The following ABTB1 variants were observed in gnomAD, a reference collection of about 807,000 sequenced individuals.
ABTB1 encodes the protein ankyrin repeat and BTB domain containing 1.
ABTB1 carries 45 observed loss-of-function variants against 57.1 expected under a neutral mutation model. The observed-to-expected ratio is 0.79, with a 90% confidence interval of 0.62 to 1.01. The LOEUF is 1.01. ABTB1 is among the 50% of genes least tolerant of loss of function. The pLI is 0.00. For missense variants in ABTB1, 630 were observed against 666.3 expected (o/e 0.95, Z 0.60); for synonymous variants, 302 against 275.4 (o/e 1.10, Z -0.95).
chr3:127,680,522 A>G lies in ABTB1; in HGVS notation c.*47A>G, dbSNP rs576844256. On this transcript the variant is annotated 3_prime_UTR_variant, in exon 12 of 12. Transcript: ENST00000232744. ...GGGGCCAGGAGCTCTCTTGGAGACA[A>G]GCATGTGTATGCGTTTGTGTGCAGC... is the stretch of plus-strand genomic sequence containing the variant. 3 of 1,589,384 alleles carry G rather than the reference A, an allele frequency of 1.9e-6. No individual in the cohort carries two copies. The highest frequency in any genetic ancestry group is 2.6e-6 in the Non-Finnish European group (3 of 1,172,286).
At chr3:127,677,420 T>C in intron 8 of ABTB1, 45 bp from the exon 9 acceptor site, 1 of 1,598,652 alleles carries the variant, frequency 6.3e-7, no homozygotes, top group Non-Finnish European at 8.6e-7. Context: ...GTCGTTCACT[T>C]CTGTGAACAA....
Position 127,676,183 on chromosome 3 carries a change from T to C in ABTB1, c.320+69T>C. ...CCTGGTGGGTGTGGCGAGTCTGCTC[T>C]GACTGTGGCCTGCACTGGGTTCTGA... On this transcript the variant is annotated intron_variant, in intron 4 of 11. Transcript: ENST00000232744. This position sits in a 1 kb window ranked among gnomAD's most constrained non-coding sequence, Gnocchi z 5.4. 6.2e-7 allele frequency: 1 copy of C among 1,606,818 alleles called. No individual in the cohort carries two copies.
Position 127,676,678 on chromosome 3 carries a change from A to T in ABTB1, c.526+97A>T, listed in dbSNP as rs979392364. On this transcript the variant is annotated intron_variant, in intron 6 of 11. Transcript: ENST00000232744. The surrounding 1 kb of genome is among the most constrained non-coding windows in gnomAD (Gnocchi z 5.4). ...GGCTGGGCTGACCTTTCACCTCTAG[A>T]CACTTCATGGTCCCCCCGGGGTGGT... is the stretch of plus-strand genomic sequence containing the variant. 1.3e-6 allele frequency: 2 copies of T among 1,495,644 alleles called. No homozygotes were observed. The highest frequency in any genetic ancestry group is 1.4e-5 in the African/African-American group (1 of 72,342). 92.6% of individuals were successfully genotyped at this position (1,495,644 alleles called of 1,614,324 possible). A position where few individuals can be genotyped will look rare whatever the true frequency, so the allele number is the denominator to read the frequency against.
chr3:127,676,301 T>G lies in ABTB1; in HGVS notation c.350T>G (p.Val117Gly), dbSNP rs372918967. 6.2e-6 allele frequency: 10 copies of G among 1,613,920 alleles called. No individual in the cohort carries two copies. The highest frequency in any genetic ancestry group is 8.5e-6 in the Non-Finnish European group (10 of 1,179,904). The change falls in exon 5 of 12, where the codon GTG (valine) becomes GGG (glycine). Residue 117 changes from valine to glycine, a missense_variant. This residue lies in a region of ABTB1 where 579 missense variants were observed against 585.9 expected (regional missense o/e 0.99). Coordinates refer to ENST00000232744, the MANE Select transcript of ABTB1 (RefSeq NM_172027.3). The surrounding 1 kb of genome is among the most constrained non-coding windows in gnomAD (Gnocchi z 5.4). Reference protein sequence around the residue: ...RLLEQGIHSDVVFVVHGKPFR... With the variant: ...RLLEQGIHSDGVFVVHGKPFR... Reference sequence around the variant, plus strand: ...CTAGAGCAGGGCATCCACAGTGACGTGGTCTTTGTAGTACACGGGAAGCCA... The same window carrying G: ...CTAGAGCAGGGCATCCACAGTGACGGGGTCTTTGTAGTACACGGGAAGCCA...
Position 127,676,377 on chromosome 3 carries a change from C to T in ABTB1, c.426C>T (p.Asn142=). 3 of 1,614,200 alleles carry T rather than the reference C, an allele frequency of 1.9e-6. No individual in the cohort carries two copies. Among genetic ancestry groups the T allele is most frequent in the Non-Finnish European group, 2.5e-6 (3 of 1,180,028 alleles). ...VLGARSAYFA[N]MLDTKWKGKS... is the part of the protein sequence containing the mutation. ...GTGCACGTAGTGCCTACTTTGCCAA[C>T]ATGCTGGACACCAAATGGAAGGGCA... is the stretch of plus-strand genomic sequence containing the variant. The change falls in exon 5 of 12, where the codon AAC becomes AAT. Residue 142 remains asparagine (N), a synonymous_variant. Coordinates refer to ENST00000232744, the MANE Select transcript of ABTB1 (RefSeq NM_172027.3). The surrounding 1 kb of genome is among the most constrained non-coding windows in gnomAD (Gnocchi z 5.4).
chr3:127,677,158 T>G lies in ABTB1; in HGVS notation c.644-10T>G. On this transcript the variant is annotated splice_polypyrimidine_tract_variant and intron_variant, in intron 7 of 11. Coordinates refer to ENST00000232744, the MANE Select transcript of ABTB1 (RefSeq NM_172027.3). ...TGGCCTGGCTCCCTGAAGTTGTTCTTCCCCTGTAGTGGCGTCTAAGCCAGG... is the reference window on the plus strand; with the variant it reads ...TGGCCTGGCTCCCTGAAGTTGTTCTGCCCCTGTAGTGGCGTCTAAGCCAGG... 6.2e-7 allele frequency: 1 copy of G among 1,613,422 alleles called. No homozygotes were observed. Among genetic ancestry groups the G allele is most frequent in the Middle Eastern group, 1.7e-4 (1 of 6,056 alleles).
At chr3:127,674,689 C>T (rs571792168) in intron 3 of ABTB1, 89 bp downstream of exon 3, 31 of 1,478,332 alleles carry the variant, frequency 2.1e-5, no homozygotes, top group Non-Finnish European at 5.7e-6. Context: ...ATTCAAAGGC[C>T]TTGATACACA....
At position 127,676,728 on chromosome 3, in the gene ABTB1, G is replaced by A; in HGVS notation, c.526+147G>A. 2 of 1,062,676 alleles carry A rather than the reference G, an allele frequency of 1.9e-6. No homozygotes were observed. The highest frequency in any genetic ancestry group is 2.7e-6 in the Non-Finnish European group (2 of 728,084). 65.8% of individuals were successfully genotyped at this position (1,062,676 alleles called of 1,614,324 possible). A position where few individuals can be genotyped will look rare whatever the true frequency, so the allele number is the denominator to read the frequency against. On this transcript the variant is annotated intron_variant, in intron 6 of 11. Transcript: ENST00000232744. This position sits in a 1 kb window ranked among gnomAD's most constrained non-coding sequence, Gnocchi z 5.4. The stretch of plus-strand genomic sequence containing the variant: ...TTCCAGCTGCCTCTCGGGTTGGGTT[G>A]CAAGAGAGAGGACTAGTGTGCCTGC...
intron 1 of ABTB1, 62 bp from the exon 2 acceptor site, chr3:127,674,329 G>C: frequency 6.4e-7 from 1 of 1,564,628 alleles, no homozygotes; most frequent in Non-Finnish European, 8.7e-7. Context: ...TCCTTTCCAC[G>C]GGCCTTCTTT....
chr3:127,674,252 G>T, intron 1 of ABTB1, 139 bp from the exon 2 acceptor site: 2 of 1,121,898 alleles, frequency 1.8e-6, no homozygotes, highest in Non-Finnish European at 2.6e-6. Flanking sequence ...TCCTGCTCTG[G>T]TCTGCCTGTC....
Position 127,680,047 on chromosome 3 carries a change from G to A in ABTB1, c.1092G>A (p.Leu364=). ...CCGACATGTACCTGCTGCCAGGCCT[G>A]AAGAGGCTGTGCGGCCGCAGCCTGG... The part of the protein sequence containing the change: ...SVADMYLLPG[L]KRLCGRSLAQ... The change falls in exon 11 of 12, where the codon CTG becomes CTA. Residue 364 remains leucine, a synonymous_variant. Transcript: ENST00000232744. 6.2e-7 allele frequency: 1 copy of A among 1,613,830 alleles called. No individual in the cohort carries two copies.
chr3:127,674,678 C>G, intron 3 of ABTB1, 78 bp downstream of exon 3: 2 of 1,534,920 alleles, frequency 1.3e-6, no homozygotes, highest in Admixed American at 3.3e-5. Context: ...TGCGTGCGTG[C>G]ATTCAAAGGC....
In ABTB1 at chr3:127,680,735, G is replaced by A. The variant is rs746770379; in HGVS notation, c.*260G>A. The A allele has an allele frequency of 3.0e-6, 2 of 674,922 alleles. No individual in the cohort carries two copies. Among genetic ancestry groups the A allele is most frequent in the Admixed American group, 2.4e-5 (1 of 42,072 alleles). The allele number at this position is 674,922 out of a possible 1,614,324, so 41.8% of individuals were successfully genotyped here. ...ACACCACTCAGGGAAACCTGGGGTG[G>A]GGGTGGGCTTTGGTCTTAGCACTTT... On this transcript the variant is annotated 3_prime_UTR_variant, in exon 12 of 12. Coordinates refer to ENST00000232744, the MANE Select transcript of ABTB1 (RefSeq NM_172027.3).
rs1423184374 is a variant in ABTB1, at chr3:127,680,783, C to T, written c.*308C>T. ...TTTCCTTCTCCAGATCCCCCCTACC[C>T]ACCCCAGTCCCAAATCCAGTCCTCT... On this transcript the variant is annotated 3_prime_UTR_variant, in exon 12 of 12. Transcript: ENST00000232744. 1.5e-6 allele frequency: 1 copy of T among 662,830 alleles called. No homozygotes were observed. Among genetic ancestry groups the T allele is most frequent in the African/African-American group, 1.8e-5 (1 of 55,638 alleles). 41.1% of individuals were successfully genotyped at this position (662,830 alleles called of 1,614,324 possible).
chr3:127,680,566 C>A lies in ABTB1; in HGVS notation c.*91C>A, dbSNP rs769926791. The A allele has an allele frequency of 7.4e-6, 11 of 1,481,438 alleles. No homozygotes were observed. The South Asian group carries it at 1.1e-4, about 15-fold the overall frequency. The allele number at this position is 1,481,438 out of a possible 1,614,324, so 91.8% of individuals were successfully genotyped here. A position where few individuals can be genotyped will look rare whatever the true frequency, so the allele number is the denominator to read the frequency against. ...GTGCAGCTCTTCTTCCTGCTCCCTGCACATTGAGGGCTTCATGGGGGGTGC... is the reference window on the plus strand; with the variant it reads ...GTGCAGCTCTTCTTCCTGCTCCCTGAACATTGAGGGCTTCATGGGGGGTGC... On this transcript the variant is annotated 3_prime_UTR_variant, in exon 12 of 12. Transcript: ENST00000232744.
At position 127,677,935 on chromosome 3, in the gene ABTB1, C is replaced by G. The variant is rs745686919; in HGVS notation, c.1029+92C>G. The G allele has an allele frequency of 2.4e-5, 35 of 1,456,010 alleles. 1 individual carries two copies. The Middle Eastern group carries it at 8.0e-4, about 33-fold the overall frequency. 90.2% of individuals were successfully genotyped at this position (1,456,010 alleles called of 1,614,324 possible). On this transcript the variant is annotated intron_variant, in intron 10 of 11. Coordinates refer to ENST00000232744, the MANE Select transcript of ABTB1 (RefSeq NM_172027.3). ...AGGGCCCTGGGGGTCTGTGGAAGGG[C>G]CCAGCTGGCCCCATGGTTGACGTTT...
In ABTB1 at chr3:127,676,143, A is replaced by T; in HGVS notation, c.320+29A>T. On this transcript the variant is annotated intron_variant, in intron 4 of 11. Transcript: ENST00000232744. This position sits in a 1 kb window ranked among gnomAD's most constrained non-coding sequence, Gnocchi z 5.4. ...AGCCAGGGCACACGAGGGGTGCAGC[A>T]TGGGGTGCGGTGGCCCTGGTGGGTG... The T allele has an allele frequency of 6.2e-7, 1 of 1,611,048 alleles. No homozygotes were observed. The highest frequency in any genetic ancestry group is 8.5e-7 in the Non-Finnish European group (1 of 1,178,338).
At chr3:127,673,126 C>A (rs753569358) in intron 1 of ABTB1, 45 bp downstream of exon 1, 2 of 1,482,872 alleles carry the variant, frequency 1.3e-6, no homozygotes, top group Non-Finnish European at 1.8e-6. Context: ...GGTGGCCGCC[C>A]TCGGAACGCC....
chr3:127,676,771 C>A lies in ABTB1; in HGVS notation c.526+190C>A. The A allele has an allele frequency of 2.4e-6, 2 of 848,198 alleles. No individual in the cohort carries two copies. Among genetic ancestry groups the A allele is most frequent in the Non-Finnish European group, 3.6e-6 (2 of 551,626 alleles). The allele number at this position is 848,198 out of a possible 1,614,324, so 52.5% of individuals were successfully genotyped here. ...GTGCCTGCTCAGGAAGAGCTTGTCC[C>A]ACCCACATGCTGAGGCCCTCCCATC... On this transcript the variant is annotated intron_variant, in intron 6 of 11. Transcript: ENST00000232744. This position sits in a 1 kb window ranked among gnomAD's most constrained non-coding sequence, Gnocchi z 5.4.
Sources: allele counts gnomAD v4.1 joint callset, GRCh38; gene constraint gnomAD v4.1.1; regional missense constraint gnomAD v4.1.1; non-coding constraint Gnocchi (gnomAD v3.1); transcripts MANE v1.5; gene names NCBI Gene and HGNC (gene_info 2026-07-23, HGNC 2026-07-21).